Variants in NUP107 observed in about 807,000 individuals in gnomAD.
The protein encoded by NUP107 is nucleoporin 107, also known as nuclear pore complex protein Nup107.
Under a neutral mutation model 141.0 loss-of-function variants are expected in NUP107, and 101 were observed. The ratio of observed to expected loss-of-function variants is 0.72; its 90% confidence interval spans 0.61 to 0.84. The LOEUF (loss-of-function observed/expected upper bound fraction) is 0.84. NUP107 is among the 40% of genes least tolerant of loss of function. NUP107 has a pLI of 0.00. For synonymous variants in NUP107, 319 were observed against 363.9 expected, an observed-to-expected ratio of 0.88 and a Z score of 1.41; for missense variants, 941 against 1,102.7, an observed-to-expected ratio of 0.85 and a Z score of 2.08.
intron 8 of NUP107, 62 bp downstream of exon 8, chr12:68,702,846 ATT>A (rs201673769): frequency 3.8e-3 from 2,826 of 745,980 alleles, no homozygotes; most frequent in Middle Eastern, 7.0e-3. Flanking sequence ...TACTAATAGG[ATT>A]TTTTTTTTTT....
chr12:68,734,700 C>A lies in NUP107; in HGVS notation c.2263-8C>A. 6.6e-7 allele frequency: 1 copy of A among 1,514,266 alleles called. No homozygotes were observed. The highest frequency in any genetic ancestry group is 8.8e-7 in the Non-Finnish European group (1 of 1,130,120). The allele number at this position is 1,514,266 out of a possible 1,614,324, so 93.8% of individuals were successfully genotyped here. ...TTTATATTTTGGTTTTTTTATTTCACATTTTAGGAAGCCCATGAAACCTTT... is the reference window on the plus strand; with the variant it reads ...TTTATATTTTGGTTTTTTTATTTCAAATTTTAGGAAGCCCATGAAACCTTT... On this transcript the variant is annotated splice_polypyrimidine_tract_variant and splice_region_variant and intron_variant, in intron 24 of 27. Coordinates refer to ENST00000229179, the MANE Select transcript of NUP107 (RefSeq NM_020401.4).
chr12:68,714,904 G>T (rs1317971417), intron 11 of NUP107, among the ~76,000 whole-genome samples: 1 of 152,174 alleles, frequency 6.6e-6, no homozygotes, highest in Non-Finnish European at 1.5e-5. Context: ...AAAAGTACCA[G>T]GTAAGCACTT....
chr12:68,700,707 A>T lies in NUP107; in HGVS notation c.553-19A>T, dbSNP rs374709102. The T allele has an allele frequency of 1.3e-6, 2 of 1,559,172 alleles. No homozygotes were observed. Among genetic ancestry groups the T allele is most frequent in the East Asian group, 2.3e-5 (1 of 43,428 alleles). Reference sequence around the variant, plus strand: ...AATTGTAGAAAATTAACCTCTTTACATCTGTGTTTTTTATTCAGGTGAATA... The same window carrying T: ...AATTGTAGAAAATTAACCTCTTTACTTCTGTGTTTTTTATTCAGGTGAATA... On this transcript the variant is annotated intron_variant, in intron 6 of 27. Coordinates refer to ENST00000229179, the MANE Select transcript of NUP107 (RefSeq NM_020401.4).
intron 24 of NUP107, 54 bp from the exon 25 acceptor site, chr12:68,734,654 A>G: frequency 7.3e-7 from 1 of 1,364,778 alleles, no homozygotes; most frequent in Non-Finnish European, 9.9e-7. Flanking sequence ...GTGAAACGAT[A>G]AAAGTGAAAA....
chr12:68,731,326 C>G, intron 21 of NUP107, 66 bp downstream of exon 21: 1 of 1,443,714 alleles, frequency 6.9e-7, no homozygotes, highest in Non-Finnish European at 9.3e-7. Flanking sequence ...GCTGTAGTAA[C>G]ATTTGTCCTT....
At chr12:68,702,817 T>C in intron 8 of NUP107, 33 bp downstream of exon 8, 1 of 1,222,672 alleles carries the variant, frequency 8.2e-7, no homozygotes, top group Non-Finnish European at 1.1e-6. Context: ...CTTTTATAAA[T>C]ACATACAAAT....
In NUP107 at chr12:68,737,760, G is replaced by C. The variant is rs144371189; in HGVS notation, c.2502+2416G>C. ...GATTAATAACATTTTAATCACCTTT[G>C]TTGAGCCTAATACTCTTACATAGTC... On this transcript the variant is annotated intron_variant, in intron 26 of 27. Transcript: ENST00000229179. Among the ~76,000 whole-genome samples, 230 of 152,246 alleles carry C rather than the reference G, an allele frequency of 1.5e-3. 2 individuals are homozygous for C. The highest frequency in any genetic ancestry group is 5.2e-3 in the African/African-American group (214 of 41,526).
chr12:68,706,059 C>A (rs1030262474), intron 8 of NUP107: 2 of 799,996 alleles, frequency 2.5e-6, no homozygotes, highest in Admixed American at 1.7e-5. Context: ...TGTTCGAGAG[C>A]TACATCAACA....
intron 12 of NUP107, 108 bp from the exon 13 acceptor site, chr12:68,719,233 T>G (rs746607631): frequency 6.6e-6 from 5 of 759,948 alleles, no homozygotes; most frequent in Non-Finnish European, 1.1e-5. Context: ...TGTAATGGGA[T>G]GGATGGAACA....
intron 24 of NUP107, among the ~76,000 whole-genome samples, chr12:68,734,502 A>G (rs1877978854): frequency 6.6e-6 from 1 of 152,138 alleles, no homozygotes; most frequent in Non-Finnish European, 1.5e-5. Context: ...ATGCCAGAAA[A>G]CACAATATAT....
rs981332681 is a variant in NUP107 at position 68,743,052 on chromosome 12, G to C, written c.*590G>C. The C allele has an allele frequency of 6.6e-6, 1 of 152,170 alleles. No homozygotes were observed. The highest frequency in any genetic ancestry group is 6.6e-5 in the Admixed American group (1 of 15,266). 9.4% of individuals were successfully genotyped at this position (152,170 alleles called of 1,614,324 possible). On this transcript the variant is annotated 3_prime_UTR_variant, in exon 28 of 28. Transcript: ENST00000229179. ...GAATATATTGGAGATTACAGATCCC[G>C]CTCTTCTAATAGGGGAAATACCATA...
intron 25 of NUP107, 88 bp downstream of exon 25, chr12:68,734,921 C>A (rs1010335972): frequency 2.4e-5 from 34 of 1,403,054 alleles, no homozygotes; most frequent in Non-Finnish European, 1.8e-5. Flanking sequence ...CAGCAACTAT[C>A]TTTCGATCAT....
Position 68,734,851 on chromosome 12 carries a change from C to T in NUP107, c.2388+18C>T, listed in dbSNP as rs1285561597. 1.9e-6 allele frequency: 3 copies of T among 1,605,894 alleles called. No homozygotes were observed. The African/African-American group carries it at 4.0e-5, about 22-fold the overall frequency. The stretch of plus-strand genomic sequence containing the variant: ...AATATGAAGTAAGTTAAATATGGAT[C>T]TAGGATGTGCCTACTGCATCTTATA... On this transcript the variant is annotated intron_variant, in intron 25 of 27. Transcript: ENST00000229179.
chr12:68,719,504 A>C, intron 13 of NUP107, 73 bp downstream of exon 13: 1 of 1,555,010 alleles, frequency 6.4e-7, no homozygotes, highest in Non-Finnish European at 8.8e-7. Flanking sequence ...TTTGTGAACT[A>C]TAGCTTCTCT....
intron 8 of NUP107, among the ~76,000 whole-genome samples, chr12:68,707,720 A>G (rs533894503): frequency 3.3e-5 from 5 of 152,264 alleles, no homozygotes; most frequent in Non-Finnish European, 7.3e-5. Context: ...GATATTATAC[A>G]TAATCTAGAG....
At chr12:68,706,503 G>A (rs1315648856) in intron 8 of NUP107, 2 of 685,956 alleles carry the variant, frequency 2.9e-6, no homozygotes, top group South Asian at 3.2e-5. Flanking sequence ...AGCTGCAGAC[G>A]CTGGCTTGGA....
intron 4 of NUP107, among the ~76,000 whole-genome samples, chr12:68,690,973 G>A (rs1023689977): frequency 3.3e-5 from 5 of 152,120 alleles, no homozygotes; most frequent in East Asian, 1.9e-4. Context: ...CTAGCTGCTC[G>A]GGAGGCTGAG....
intron 26 of NUP107, among the ~76,000 whole-genome samples, chr12:68,738,194 T>G (rs1355038996): frequency 6.6e-6 from 1 of 152,164 alleles, no homozygotes; most frequent in Non-Finnish European, 1.5e-5. Context: ...AAGAATCACT[T>G]GAACCTGGGA....
At chr12:68,725,837 G>GGTTT (rs376106399) in intron 18 of NUP107, 41 bp downstream of exon 18, 25,790 of 614,684 alleles carry the variant, frequency 0.042, 412 homozygotes, top group Middle Eastern at 0.062. Flanking sequence ...TTTTGTGTGT[G>GGTTT]TTTTTTTTTT....
Sources: gnomAD v4.1 joint callset for allele counts (sites outside exome capture counted in the v4.1 genomes callset) on GRCh38, gnomAD v4.1.1 for gene constraint, MANE v1.5 for transcripts, NCBI Gene and HGNC (gene_info 2026-07-23, HGNC 2026-07-21) for gene names.